Variants in DSG3 observed in about 807,000 individuals in gnomAD.
The protein encoded by DSG3 is desmoglein 3.
In DSG3, 63 loss-of-function variants were observed where a neutral mutation model predicts 85.9. The ratio of observed to expected loss-of-function variants is 0.73; its 90% CI spans 0.60 to 0.90. The LOEUF (loss-of-function observed/expected upper bound fraction) is 0.90. DSG3 is among the 40% of genes least tolerant of loss of function. DSG3 has a pLI of 0.00. For missense variants in DSG3, 1,220 were observed against 1,219.9 expected (o/e 1.00, Z 0.00); for synonymous variants, 447 against 441.9 (o/e 1.01, Z -0.14).
intron 4 of DSG3, 29 bp from the exon 5 acceptor site, chr18:31,459,004 A>G (rs1235259017): frequency 1.2e-6 from 2 of 1,610,684 alleles, no homozygotes; most frequent in Non-Finnish European, 8.5e-7. Context: ...ATTGCAGAGT[A>G]ATACTCCACA....
chr18:31,459,753 T>G lies in DSG3; in HGVS notation c.518-92T>G. ...CAGATGATTTTAGGATATTTAAAAATTAGCATCAATGTGAACTTGTTTGGA... is the reference window on the plus strand; with the variant it reads ...CAGATGATTTTAGGATATTTAAAAAGTAGCATCAATGTGAACTTGTTTGGA... On this transcript the variant is annotated intron_variant, in intron 5 of 15. Transcript: ENST00000257189. 8 of 1,250,842 alleles carry G rather than the reference T, an allele frequency of 6.4e-6. No homozygotes were observed. The South Asian group carries it at 1.3e-4, about 20-fold the overall frequency. The allele number at this position is 1,250,842 out of a possible 1,614,324, so 77.5% of individuals were successfully genotyped here. A position where few individuals can be genotyped will look rare whatever the true frequency, so the allele number is the denominator to read the frequency against.
At chr18:31,456,309 AACTT>A (rs1435379467) in intron 1 of DSG3, 127 bp from the exon 2 acceptor site, 1 of 611,042 alleles carries the variant, frequency 1.6e-6, no homozygotes, top group Admixed American at 3.5e-5. Context: ...GGCTTCTTGA[AACTT>A]ACTTCTTTTG....
At position 31,476,096 on chromosome 18, in the gene DSG3, C is replaced by T; in HGVS notation, c.2836C>T (p.Pro946Ser). Reference sequence around the variant, plus strand: ...CTCGGCTTCTGGTTCCCTCGTGCAACCTTCCACTGCAGGCTTTGATCCACT... The same window carrying T: ...CTCGGCTTCTGGTTCCCTCGTGCAATCTTCCACTGCAGGCTTTGATCCACT... ...TYSASGSLVQPSTAGFDPLLT... is the reference protein window; with the variant it reads ...TYSASGSLVQSSTAGFDPLLT... The change falls in exon 16 of 16, where the codon CCT (proline) becomes TCT (serine). Residue 946 changes from proline to serine, a missense_variant. Coordinates refer to ENST00000257189, the MANE Select transcript of DSG3 (RefSeq NM_001944.3). The T allele has an allele frequency of 6.2e-7, 1 of 1,614,202 alleles. No homozygotes were observed. Among genetic ancestry groups the T allele is most frequent in the African/African-American group, 1.3e-5 (1 of 75,050 alleles).
At chr18:31,457,680 T>G (rs2144267454) in intron 3 of DSG3, among the ~76,000 whole-genome samples, 1 of 151,282 alleles carries the variant, frequency 6.6e-6, no homozygotes, top group Admixed American at 6.6e-5. Context: ...CAGGCTGGAG[T>G]GCTGTGGCGC....
intron 11 of DSG3, among the ~76,000 whole-genome samples, chr18:31,467,405 T>C (rs904117226): frequency 6.6e-6 from 1 of 152,126 alleles, no homozygotes; most frequent in African/African-American, 2.4e-5. Context: ...ACTAAATACA[T>C]AAACTTGTTC....
chr18:31,465,277 A>G, intron 9 of DSG3, 41 bp from the exon 10 acceptor site: 3 of 1,324,644 alleles, frequency 2.3e-6, no homozygotes, highest in Non-Finnish European at 2.9e-6. Flanking sequence ...GTAACATTCC[A>G]CATTTGAAAG....
intron 1 of DSG3, among the ~76,000 whole-genome samples, chr18:31,455,940 A>G (rs1355710591): frequency 6.6e-6 from 1 of 152,198 alleles, no homozygotes; most frequent in Non-Finnish European, 1.5e-5. Flanking sequence ...TTTCACTTGT[A>G]CAATTAAAGA....
At chr18:31,462,651 C>T (rs1302299155) in intron 8 of DSG3, among the ~76,000 whole-genome samples, 1 of 152,168 alleles carries the variant, frequency 6.6e-6, no homozygotes, top group Non-Finnish European at 1.5e-5. Flanking sequence ...TGAATTGTGA[C>T]ATTTCCTCAC....
chr18:31,458,887 T>C, intron 4 of DSG3, 146 bp from the exon 5 acceptor site: 2 of 1,078,534 alleles, frequency 1.9e-6, no homozygotes, highest in Non-Finnish European at 1.3e-6. Context: ...AGCAGGCACC[T>C]TTTTCCACTT....
At position 31,457,506 on chromosome 18, in the gene DSG3, G is replaced by A. The variant is rs576942317; in HGVS notation, c.216+382G>A. Among the ~76,000 whole-genome samples the A allele has an allele frequency of 2.6e-5, 4 of 151,764 alleles. No homozygotes were observed. In the East Asian group the frequency reaches 5.8e-4, roughly 22 times the overall value. ...GAAGCTCAGTGATAGGATGTATCAG[G>A]TTTATTATACTATTCTCTTTCTTTC... On this transcript the variant is annotated intron_variant, in intron 3 of 15. Coordinates refer to ENST00000257189, the MANE Select transcript of DSG3 (RefSeq NM_001944.3).
intron 14 of DSG3, among the ~76,000 whole-genome samples, 189 bp from the exon 15 acceptor site, chr18:31,473,932 G>T (rs75746253): frequency 6.6e-6 from 1 of 151,952 alleles, no homozygotes; most frequent in South Asian, 2.1e-4. Context: ...TTTTTCACCC[G>T]TTTATATGCC....
intron 13 of DSG3, 146 bp from the exon 14 acceptor site, chr18:31,472,579 G>C (rs2072862672): frequency 8.0e-7 from 1 of 1,244,340 alleles, no homozygotes; most frequent in Non-Finnish European, 1.1e-6. Context: ...CTCTTCAGAT[G>C]TCAAATCACA....
chr18:31,465,245 A>G, intron 9 of DSG3, 73 bp from the exon 10 acceptor site: 1 of 1,088,964 alleles, frequency 9.2e-7, no homozygotes, highest in South Asian at 3.7e-5. Flanking sequence ...TAAATATAAA[A>G]TGAGTCATTT....
chr18:31,449,432 G>C (rs1289927819), intron 1 of DSG3, among the ~76,000 whole-genome samples: 1 of 152,114 alleles, frequency 6.6e-6, no homozygotes, highest in East Asian at 1.9e-4. Flanking sequence ...ATTGCCATGA[G>C]GACATAGGAT....
chr18:31,450,745 T>A (rs1306694329), intron 1 of DSG3, among the ~76,000 whole-genome samples: 1 of 152,168 alleles, frequency 6.6e-6, no homozygotes, highest in East Asian at 1.9e-4. Context: ...CCCTGCCTAA[T>A]GAAAATGGTC....
At chr18:31,465,128 A>AC (rs1374681103) in intron 9 of DSG3, among the ~76,000 whole-genome samples, 190 bp from the exon 10 acceptor site, 2 of 151,506 alleles carry the variant, frequency 1.3e-5, no homozygotes, top group Admixed American at 1.3e-4. Context: ...TCCGTCTCAA[A>AC]AAAAAAAAAA....
chr18:31,457,661 T>C (rs1301008227), intron 3 of DSG3, among the ~76,000 whole-genome samples: 1 of 149,858 alleles, frequency 6.7e-6, no homozygotes, highest in Non-Finnish European at 1.5e-5. Context: ...ATGGAGTCAC[T>C]GTGCCTCCCA....
At chr18:31,458,324 T>G in intron 3 of DSG3, 121 bp from the exon 4 acceptor site, 11 of 1,119,374 alleles carry the variant, frequency 9.8e-6, no homozygotes, top group Non-Finnish European at 1.4e-5. Flanking sequence ...AAAAAGTAAA[T>G]GGCACAATGT....
At chr18:31,470,368 TA>T (rs1295591938) in intron 12 of DSG3, among the ~76,000 whole-genome samples, 2 of 152,170 alleles carry the variant, frequency 1.3e-5, no homozygotes, top group African/African-American at 4.8e-5. Context: ...TCCCTTTTTT[TA>T]AAAAGAAATA....
Sources: allele counts gnomAD v4.1 joint callset (sites outside exome capture counted in the v4.1 genomes callset), GRCh38; gene constraint gnomAD v4.1.1; transcripts MANE v1.5; gene names NCBI Gene and HGNC (gene_info 2026-07-23, HGNC 2026-07-21).